The following DENND2A variants were observed in gnomAD, a reference collection of about 807,000 sequenced individuals.
The protein encoded by DENND2A is DENN domain containing 2A.
A neutral mutation model predicts 105.3 loss-of-function variants in DENND2A; 53 were observed. That is an observed-to-expected ratio of 0.50 (90% CI 0.40 to 0.63). The LOEUF is 0.63. Among genes scored for constraint, DENND2A ranks in the 30% least tolerant of loss-of-function variants. DENND2A has a pLI of 0.00. For missense variants in DENND2A, 1,138 were observed against 1,279.6 expected (o/e 0.89, Z 1.69); for synonymous variants, 522 against 508.4 (o/e 1.03, Z -0.36).
At chr7:140,574,132 A>C in intron 5 of DENND2A, 124 bp from the exon 6 acceptor site, 4 of 1,120,082 alleles carry the variant, frequency 3.6e-6, no homozygotes, top group Non-Finnish European at 5.2e-6. Flanking sequence ...TTCCCAGGTT[A>C]GGTGGAGTTT....
chr7:140,578,051 G>C (rs940377607), intron 5 of DENND2A, among the ~76,000 whole-genome samples: 15 of 152,170 alleles, frequency 9.9e-5, no homozygotes, highest in Admixed American at 5.2e-4. Flanking sequence ...GCTTAGCTCT[G>C]CTGAGAGGCT....
chr7:140,604,331 C>T (rs1030457327), intron 2 of DENND2A, among the ~76,000 whole-genome samples: 2 of 152,244 alleles, frequency 1.3e-5, no homozygotes, highest in Admixed American at 6.5e-5. Context: ...AAAATAGAAA[C>T]TTGCGAAAAC....
chr7:140,538,134 C>G (rs1050176957), intron 14 of DENND2A, among the ~76,000 whole-genome samples: 5 of 152,162 alleles, frequency 3.3e-5, no homozygotes, highest in African/African-American at 1.2e-4. Flanking sequence ...CAACTTAAAA[C>G]CCTTTTATAA....
At chr7:140,544,268 C>T (rs1796800690) in intron 14 of DENND2A, 3 of 388,910 alleles carry the variant, frequency 7.7e-6, no homozygotes, top group South Asian at 4.7e-5. Context: ...GATCTCAGCT[C>T]ACTGCAATGT....
chr7:140,612,258 A>G (rs1391443696), intron 1 of DENND2A, among the ~76,000 whole-genome samples: 3 of 151,854 alleles, frequency 2.0e-5, no homozygotes, highest in African/African-American at 4.9e-5. Flanking sequence ...AAAAGGAAAA[A>G]AAAAAAAGAT....
chr7:140,626,074 C>T (rs766859723), intron 1 of DENND2A, among the ~76,000 whole-genome samples: 1 of 152,176 alleles, frequency 6.6e-6, no homozygotes, highest in Admixed American at 6.5e-5. Context: ...CCCAAGGCTG[C>T]GTGGGTGCTG....
In DENND2A at chr7:140,621,202, A is replaced by AT. The variant is rs200448547; in HGVS notation, c.-247-15397_-247-15396insA. Among the ~76,000 whole-genome samples the AT allele has an allele frequency of 6.7e-3, 1,009 of 150,380 alleles. 11 individuals are homozygous for AT. Among genetic ancestry groups the AT allele is most frequent in the African/African-American group, 0.022 (890 of 40,688 alleles). On this transcript the variant is annotated intron_variant, in intron 1 of 19. Transcript: ENST00000496613. ...AGCCACTAGGCTCAGCTAATTAAAAAATTTTTTTTTTTTGTAGAGACAGAG... is the reference window on the plus strand; with the variant it reads ...AGCCACTAGGCTCAGCTAATTAAAAATATTTTTTTTTTTTGTAGAGACAGAG...
chr7:140,519,947 C>T (rs1299169657), intron 18 of DENND2A, among the ~76,000 whole-genome samples: 1 of 152,118 alleles, frequency 6.6e-6, no homozygotes, highest in African/African-American at 2.4e-5. Context: ...TAGATGAAAT[C>T]CTATTTTTAT....
intron 3 of DENND2A, among the ~76,000 whole-genome samples, chr7:140,589,352 T>C (rs1416324092): frequency 6.6e-6 from 1 of 152,182 alleles, no homozygotes; most frequent in East Asian, 1.9e-4. Context: ...CATTACACAG[T>C]ACTGTGCGAT....
chr7:140,542,533 T>G (rs953434223), intron 14 of DENND2A, among the ~76,000 whole-genome samples: 3 of 150,970 alleles, frequency 2.0e-5, no homozygotes, highest in Admixed American at 1.3e-4. Context: ...GGGCCAGCCC[T>G]AGTGAACTAC....
intron 14 of DENND2A, among the ~76,000 whole-genome samples, chr7:140,540,084 G>A (rs777045086): frequency 1.3e-5 from 2 of 152,222 alleles, no homozygotes; most frequent in Non-Finnish European, 2.9e-5. Context: ...GAGTGATGGC[G>A]GAGGGATGTG....
At chr7:140,636,749 C>T (rs965305955) in intron 1 of DENND2A, among the ~76,000 whole-genome samples, 1 of 142,062 alleles carries the variant, frequency 7.0e-6, no homozygotes, top group Admixed American at 7.5e-5. Context: ...AGTGAAGTGG[C>T]ACAATCATAG....
At chr7:140,599,616 A>G (rs904013946) in intron 3 of DENND2A, among the ~76,000 whole-genome samples, 2 of 152,020 alleles carry the variant, frequency 1.3e-5, no homozygotes, top group Admixed American at 6.6e-5. Context: ...GCTAGTAAGT[A>G]GCAAAACTAG....
chr7:140,560,211 A>G (rs1435614399), intron 9 of DENND2A, among the ~76,000 whole-genome samples: 2 of 152,210 alleles, frequency 1.3e-5, no homozygotes, highest in Admixed American at 1.3e-4. Flanking sequence ...TTCGAACTCC[A>G]GGCAAAGACT....
intron 19 of DENND2A, 48 bp from the exon 20 acceptor site, chr7:140,518,786 G>C (rs1278402451): frequency 6.3e-7 from 1 of 1,598,340 alleles, no homozygotes; most frequent in East Asian, 2.2e-5. Flanking sequence ...ACAAAGGAGG[G>C]TGAGATAAAT....
rs757181363 is a variant in DENND2A, at chr7:140,525,944, C to T, written c.2506-152G>A. On this transcript the variant is annotated intron_variant, in intron 15 of 19. Coordinates refer to ENST00000496613, the MANE Select transcript of DENND2A (RefSeq NM_015689.5). ...TGGTTTCCTGACATTGCCACGGTAG[C>T]CACAGGTAATGAAGAGCAGGGCTGG... 1.2e-3 allele frequency: 670 copies of T among 561,740 alleles called. 4 individuals are homozygous for T. The highest frequency in any genetic ancestry group is 1.6e-3 in the Non-Finnish European group (517 of 325,156). The allele number at this position is 561,740 out of a possible 1,614,324, so 34.8% of individuals were successfully genotyped here. A position where few individuals can be genotyped will look rare whatever the true frequency, so the allele number is the denominator to read the frequency against.
chr7:140,570,527 T>C (rs576163997), intron 6 of DENND2A, among the ~76,000 whole-genome samples: 1 of 152,256 alleles, frequency 6.6e-6, no homozygotes, highest in Non-Finnish European at 1.5e-5. Flanking sequence ...TTAGAACTGC[T>C]CCCGAGCCCT....
intron 9 of DENND2A, among the ~76,000 whole-genome samples, chr7:140,565,797 A>T (rs1797812253): frequency 6.6e-6 from 1 of 152,084 alleles, no homozygotes; most frequent in East Asian, 1.9e-4. Flanking sequence ...CGTCATAAAG[A>T]CCTTGCTGAT....
At chr7:140,619,622 C>T (rs1417415324) in intron 1 of DENND2A, among the ~76,000 whole-genome samples, 118 of 152,134 alleles carry the variant, frequency 7.8e-4, no homozygotes, top group Non-Finnish European at 2.8e-4. Context: ...GCCTCAGCCT[C>T]CCAACTAGCT....
Sources: allele counts gnomAD v4.1 joint callset (sites outside exome capture counted in the v4.1 genomes callset), GRCh38; gene constraint gnomAD v4.1.1; transcripts MANE v1.5; gene names NCBI Gene and HGNC (gene_info 2026-07-23, HGNC 2026-07-21).